Variants in LTBP4 observed in about 807,000 individuals in gnomAD.
The protein encoded by LTBP4 is latent-transforming growth factor beta-binding protein 4.
Under a neutral mutation model 180.2 loss-of-function variants are expected in LTBP4, and 93 were observed. The observed-to-expected ratio is 0.52, with a 90% CI of 0.44 to 0.61. LTBP4 has a LOEUF of 0.61. Ranked by LOEUF, LTBP4 falls within the 20% of genes least tolerant of loss-of-function variation. LTBP4 has a pLI of 0.00. For synonymous variants in LTBP4, 947 were observed against 934.5 expected (o/e 1.01, Z -0.24); for missense variants, 2,116 against 2,256.5 (o/e 0.94, Z 1.26).
Position 40,605,465 on chromosome 19 carries a change from A to G in LTBP4, c.503A>G (p.His168Arg), listed in dbSNP as rs759977013. 4 of 1,612,560 alleles carry G rather than the reference A, an allele frequency of 2.5e-6. No homozygotes were observed. The highest frequency in any genetic ancestry group is 3.4e-6 in the Non-Finnish European group (4 of 1,179,850). ...CCGCAGGAGGCGTCGGTGGTGGTGCACCAGGTGGAGCGTGTGTCTGGCCCT... is the reference window on the plus strand; with the variant it reads ...CCGCAGGAGGCGTCGGTGGTGGTGCGCCAGGTGGAGCGTGTGTCTGGCCCT... ...EHPQEASVVVHQVERVSGPWE... is the reference protein window; with the variant it reads ...EHPQEASVVVRQVERVSGPWE... The change falls in exon 3 of 30, where the codon CAC (histidine) becomes CGC (arginine). Residue 168 changes from histidine to arginine, a missense_variant. Physicochemically the swap from His to Arg is conservative, Grantham distance 29. Around this residue, in one of 5 missense-constraint regions of LTBP4, gnomAD observed 469 missense variants for 532.5 expected, o/e 0.88. Transcript: ENST00000396819. The surrounding 1 kb of genome is among the most constrained non-coding windows in gnomAD (Gnocchi z 5.5).
At chr19:40,604,423 T>G (rs1273957587) in intron 1 of LTBP4, among the ~76,000 whole-genome samples, 1 of 151,874 alleles carries the variant, frequency 6.6e-6, no homozygotes, top group Admixed American at 6.6e-5. Flanking sequence ...CAGCATTGGG[T>G]CGGAGGGGCT....
rs1030397462 is a variant in LTBP4 at position 40,609,892 on chromosome 19, G to A, written c.1684+21G>A. On this transcript the variant is annotated intron_variant, in intron 11 of 29. Transcript: ENST00000396819. The surrounding 1 kb of genome is among the most constrained non-coding windows in gnomAD (Gnocchi z 4.9). ...CCTGGGTGAGAAATTTGCCCCACCC[G>A]GCTCCAGGCCCACCCCAGGGTCTCG... is the stretch of plus-strand genomic sequence containing the variant. The A allele has an allele frequency of 1.3e-6, 2 of 1,511,570 alleles. No homozygotes were observed. Among genetic ancestry groups the A allele is most frequent in the Non-Finnish European group, 8.9e-7 (1 of 1,126,990 alleles). 93.6% of individuals were successfully genotyped at this position (1,511,570 alleles called of 1,614,324 possible).
intron 19 of LTBP4, chr19:40,615,196 G>GGTGGA (rs111948061): frequency 6.8e-6 from 1 of 146,524 alleles, no homozygotes; most frequent in African/African-American, 2.6e-5. Flanking sequence ...GTGTCGGCGG[G>GGTGGA]GGGGGGGGGG....
At chr19:40,598,217 G>T (rs892168254), upstream of LTBP4, among the ~76,000 whole-genome samples, 2 of 151,956 alleles carry the variant, frequency 1.3e-5, no homozygotes, top group Admixed American at 6.6e-5. Context: ...CCGAGCCGCG[G>T]CGGGGGCGGG....
At chr19:40,593,242 T>G (rs1198795464) in intron 1 of LTBP4, 1 of 1,600,896 alleles carries the variant, frequency 6.2e-7, no homozygotes, top group Non-Finnish European at 8.6e-7. Flanking sequence ...CCTAATTTTG[T>G]TTTTGTTTGT....
rs1359001032 is a variant in LTBP4 at position 40,609,229 on chromosome 19, A to G, written c.1427-301A>G. 1.3e-5 allele frequency among the ~76,000 whole-genome samples: 2 copies of G among 152,164 alleles called. No individual in the cohort carries two copies. The highest frequency in any genetic ancestry group is 4.8e-5 in the African/African-American group (2 of 41,430). ...TTATGGTAGATAATTATTTTTCATTATCTAATATTAGATAATTATTTCTCA... is the reference window on the plus strand; with the variant it reads ...TTATGGTAGATAATTATTTTTCATTGTCTAATATTAGATAATTATTTCTCA... On this transcript the variant is annotated intron_variant, in intron 9 of 29. Transcript: ENST00000396819. The surrounding 1 kb of genome is among the most constrained non-coding windows in gnomAD (Gnocchi z 4.9).
intron 29 of LTBP4, 132 bp downstream of exon 29, chr19:40,627,989 G>T: frequency 8.1e-7 from 1 of 1,241,126 alleles, no homozygotes; most frequent in Non-Finnish European, 1.1e-6. Flanking sequence ...CAGCGCAAAA[G>T]GGAGGAGTAA....
chr19:40,603,802 C>G (rs1355139322), intron 1 of LTBP4, among the ~76,000 whole-genome samples: 2 of 152,230 alleles, frequency 1.3e-5, no homozygotes, highest in Non-Finnish European at 2.9e-5. Flanking sequence ...AGGGGGTGCC[C>G]TCGCAGGACA....
intron 21 of LTBP4, 27 bp downstream of exon 21, chr19:40,617,252 A>G (rs1229045882): frequency 1.2e-6 from 2 of 1,602,340 alleles, no homozygotes; most frequent in African/African-American, 2.7e-5. Context: ...GGTGGATGGG[A>G]CCAAAGGGGG....
chr19:40,626,470 TCCGGGTG>T (rs2081634528), intron 27 of LTBP4, among the ~76,000 whole-genome samples: 1 of 151,916 alleles, frequency 6.6e-6, no homozygotes, highest in South Asian at 2.1e-4. Flanking sequence ...ACACACCACA[TCCGGGTG>T]CCTAAGACCC....
chr19:40,626,965 C>T lies in LTBP4; in HGVS notation c.3986-10C>T. 6.5e-7 allele frequency: 1 copy of T among 1,535,174 alleles called. No individual in the cohort carries two copies. Among genetic ancestry groups the T allele is most frequent in the Non-Finnish European group, 8.8e-7 (1 of 1,138,384 alleles). On this transcript the variant is annotated splice_polypyrimidine_tract_variant and intron_variant, in intron 27 of 29. Coordinates refer to ENST00000396819, the MANE Select transcript of LTBP4 (RefSeq NM_001042545.2). ...AGGGGCTGATTGTTTGCCTTGGCTC[C>T]TGTTCCCAGATGACTTCGAGGCCCT...
chr19:40,618,979 C>G (rs1317541101), intron 21 of LTBP4, among the ~76,000 whole-genome samples: 1 of 152,008 alleles, frequency 6.6e-6, no homozygotes, highest in African/African-American at 2.4e-5. Context: ...AGTGGGCCAC[C>G]CGAGAGCTAA....
intron 19 of LTBP4, among the ~76,000 whole-genome samples, chr19:40,615,178 A>G: frequency 2.6e-5 from 1 of 38,276 alleles, no homozygotes; most frequent in African/African-American, 1.4e-4. Context: ...TACAGTATAT[A>G]TTTTTTTGTG....
chr19:40,599,196 G>C (rs1368669394), upstream of LTBP4: 2 of 1,607,060 alleles, frequency 1.2e-6, no homozygotes, highest in Non-Finnish European at 1.7e-6. Flanking sequence ...ACTATTTATA[G>C]CGTTGCTGTT....
rs772976431 is a variant in LTBP4, at chr19:40,622,493, C to T, written c.3310C>T (p.Pro1104Ser). The T allele has an allele frequency of 1.2e-6, 2 of 1,613,018 alleles. No individual in the cohort carries two copies. The highest frequency in any genetic ancestry group is 1.7e-6 in the Non-Finnish European group (2 of 1,179,426). Residue 1104 changes from proline to serine, a missense_variant, in exon 23 of 30, where the codon CCT becomes TCT. Physicochemically the swap from Pro to Ser is moderately conservative, Grantham distance 74 (BLOSUM62 -1). Coordinates refer to ENST00000396819, the MANE Select transcript of LTBP4 (RefSeq NM_001042545.2). The surrounding 1 kb of genome is among the most constrained non-coding windows in gnomAD (Gnocchi z 5.1). Reference protein sequence around the residue: ...PPPLPRRPSTPRQGPVGSGRR... With the variant: ...PPPLPRRPSTSRQGPVGSGRR... ...ACCCCTGCCCCGCCGACCCAGCACA[C>T]CTAGGCAGGGCCCTGTGGGGAGTGG...
At chr19:40,607,611 A>G (rs1199895646) in intron 7 of LTBP4, 82 bp downstream of exon 7, 3 of 1,438,376 alleles carry the variant, frequency 2.1e-6, no homozygotes. Context: ...CCCTGAGTTC[A>G]CTGCCCCAAC....
At chr19:40,619,777 T>A (rs547342203) in intron 22 of LTBP4, among the ~76,000 whole-genome samples, 1 of 152,318 alleles carries the variant, frequency 6.6e-6, no homozygotes, top group Admixed American at 6.5e-5. Context: ...AAGGGATCAC[T>A]GTCTGTCCTC....
intron 19 of LTBP4, among the ~76,000 whole-genome samples, chr19:40,616,530 C>G (rs1045178184): frequency 1.3e-5 from 2 of 151,880 alleles, no homozygotes; most frequent in African/African-American, 4.8e-5. Flanking sequence ...GTCAGGAGTT[C>G]GAGACCATTC....
chr19:40,595,905 A>ATTTTTTTTTT (rs60121587), intron 1 of LTBP4, among the ~76,000 whole-genome samples: 8 of 60,060 alleles, frequency 1.3e-4, no homozygotes, highest in East Asian at 6.5e-4. Context: ...TAATTTTTGG[A>ATTTTTTTTTT]TTTTTTTTTT....
Sources: allele counts gnomAD v4.1 joint callset (sites outside exome capture counted in the v4.1 genomes callset), GRCh38; gene constraint gnomAD v4.1.1; regional missense constraint gnomAD v4.1.1; non-coding constraint Gnocchi (gnomAD v3.1); transcripts MANE v1.5; gene names NCBI Gene and HGNC (gene_info 2026-07-23, HGNC 2026-07-21).